The following CRELD2 variants were observed in gnomAD, a reference collection of about 807,000 sequenced individuals.
CRELD2 encodes the protein protein disulfide isomerase CRELD2.
Under a neutral mutation model 48.1 loss-of-function variants are expected in CRELD2, and 33 were observed. The observed-to-expected ratio is 0.69, with a 90% CI of 0.52 to 0.92. The LOEUF is 0.92. CRELD2 is among the 40% of genes least tolerant of loss of function. The probability of loss-of-function intolerance (pLI) is 0.00; values close to 1 mark genes in which losing one functional copy is unlikely to be tolerated. For missense variants in CRELD2, 477 were observed against 482.4 expected, an observed-to-expected ratio of 0.99 and a Z score of 0.10; for synonymous variants, 220 against 203.9, an observed-to-expected ratio of 1.08 and a Z score of -0.67.
Position 49,925,658 on chromosome 22 carries a change from C to T in CRELD2, c.1009+101C>T, listed in dbSNP as rs755614323. ...GTCTGAAATCCACACAGATGGTGGC[C>T]TTGAGATGGTGAGAGGGGGATTCCC... On this transcript the variant is annotated intron_variant, in intron 9 of 9. Coordinates refer to ENST00000328268, the MANE Select transcript of CRELD2 (RefSeq NM_024324.5). 49 of 1,569,036 alleles carry T rather than the reference C, an allele frequency of 3.1e-5. No individual in the cohort carries two copies. In the Admixed American group the frequency reaches 8.4e-4, roughly 27 times the overall value.
At chr22:49,920,959 C>G (rs766284888) in intron 4 of CRELD2, among the ~76,000 whole-genome samples, 1 of 152,250 alleles carries the variant, frequency 6.6e-6, no homozygotes, top group Non-Finnish European at 1.5e-5. Flanking sequence ...TCAGCTGAGG[C>G]TGCCCAAAGC....
intron 8 of CRELD2, 120 bp downstream of exon 8, chr22:49,924,575 C>T: frequency 1.5e-6 from 1 of 677,880 alleles, no homozygotes; most frequent in Non-Finnish European, 2.5e-6. Flanking sequence ...GCAGACGTGG[C>T]TCCCCCAGGG....
Position 49,923,276 on chromosome 22 carries a change from C to A in CRELD2, c.731C>A (p.Ala244Glu). 1.9e-6 allele frequency: 3 copies of A among 1,609,398 alleles called. No homozygotes were observed. The highest frequency in any genetic ancestry group is 2.5e-6 in the Non-Finnish European group (3 of 1,178,276). ...GCCGAGCCGCCTCCCTGCAGCGCTG[C>A]GCAGTTCTGTAAGAACGCCAACGGC... ...CAAEPPPCSA[A>E]QFCKNANGSY... The change falls in exon 7 of 10, where the codon GCG (alanine) becomes GAG (glutamate). Residue 244 changes from alanine (A) to glutamate (E), a missense_variant. Physicochemically the swap from Ala to Glu is moderately radical, Grantham distance 107. Coordinates refer to ENST00000328268, the MANE Select transcript of CRELD2 (RefSeq NM_024324.5).
Position 49,923,253 on chromosome 22 carries a change from C to T in CRELD2, c.708C>T (p.Ala236=), listed in dbSNP as rs111557567. Residue 236 remains alanine, a synonymous_variant, in exon 7 of 10, where the codon GCC becomes GCT. Transcript: ENST00000328268. The part of the protein sequence containing the change: ...GACVDVDECA[A]EPPPCSAAQF... ...TTCCAGATGTGGACGAGTGTGCGGC[C>T]GAGCCGCCTCCCTGCAGCGCTGCGC... 2,362 of 1,590,428 alleles carry T rather than the reference C, an allele frequency of 1.5e-3. 16 individuals carry two copies. In the African/African-American group the frequency reaches 0.019, roughly 13 times the overall value.
rs553875150 is a variant in CRELD2 at position 49,924,988 on chromosome 22, G to A, written c.869-429G>A. 966 of 161,498 alleles carry A rather than the reference G, an allele frequency of 6.0e-3. 11 individuals carry two copies. The highest frequency in any genetic ancestry group is 0.022 in the African/African-American group (925 of 41,612). 10.0% of individuals were successfully genotyped at this position (161,498 alleles called of 1,614,324 possible). A position where few individuals can be genotyped will look rare whatever the true frequency, so the allele number is the denominator to read the frequency against. ...CTACTAAAAATACAAAAAATTAGTC[G>A]GGCGTGGTGGCGGGCGCCTGTAGTC... On this transcript the variant is annotated intron_variant, in intron 8 of 9. Transcript: ENST00000328268.
chr22:49,924,730 G>A, intron 8 of CRELD2: 1 of 283,288 alleles, frequency 3.5e-6, no homozygotes. Context: ...CACCGCCTCT[G>A]CTCTCCCTCC....
chr22:49,922,550 C>G (rs1274419407), intron 5 of CRELD2, 62 bp from the exon 6 acceptor site: 8 of 1,483,782 alleles, frequency 5.4e-6, no homozygotes, highest in Non-Finnish European at 4.5e-6. Flanking sequence ...TTTAAACGAG[C>G]CTTGTCCCCA....
At chr22:49,920,518 C>T (rs1253478005) in intron 4 of CRELD2, among the ~76,000 whole-genome samples, 1 of 152,234 alleles carries the variant, frequency 6.6e-6, no homozygotes, top group East Asian at 1.9e-4. Flanking sequence ...TTCACAGACT[C>T]AGGTTGTTCA....
At chr22:49,922,869 T>TGAGG (rs2060712270) in intron 6 of CRELD2, among the ~76,000 whole-genome samples, 162 bp downstream of exon 6, 1 of 26,504 alleles carries the variant, frequency 3.8e-5, no homozygotes, top group South Asian at 1.9e-3. Flanking sequence ...GCTTGGGGTG[T>TGAGG]GGGGGGCGTG....
chr22:49,918,999 G>A, intron 1 of CRELD2, 101 bp downstream of exon 1: 1 of 1,067,206 alleles, frequency 9.4e-7, no homozygotes, highest in South Asian at 1.7e-5. Flanking sequence ...CCCTCACCCT[G>A]GATCCGGGGT....
At chr22:49,921,948 C>T (rs1049243468) in intron 5 of CRELD2, 187 bp downstream of exon 5, 23 of 644,112 alleles carry the variant, frequency 3.6e-5, no homozygotes, top group Non-Finnish European at 5.5e-5. Flanking sequence ...TCGGGCACTT[C>T]CTGTCCCGTA....
At chr22:49,924,190 G>T in intron 7 of CRELD2, 170 bp from the exon 8 acceptor site, 1 of 551,458 alleles carries the variant, frequency 1.8e-6, no homozygotes, top group Non-Finnish European at 3.3e-6. Flanking sequence ...ACAGCAGGAC[G>T]CGAGTCTGTG....
chr22:49,921,986 A>G (rs1215634042), intron 5 of CRELD2: 1 of 605,242 alleles, frequency 1.7e-6, no homozygotes, highest in Non-Finnish European at 2.9e-6. Flanking sequence ...GAAGCTACTC[A>G]CCTTTCTCTC....
intron 8 of CRELD2, 169 bp from the exon 9 acceptor site, chr22:49,925,246 CGT>C (rs2060748152): frequency 1.9e-6 from 1 of 538,502 alleles, no homozygotes; most frequent in Admixed American, 3.6e-5. Flanking sequence ...AACTTGGAGA[CGT>C]GAAATTCTTC....
At chr22:49,922,771 G>T (rs1369253832) in intron 6 of CRELD2, 64 bp downstream of exon 6, 2 of 384,720 alleles carry the variant, frequency 5.2e-6, no homozygotes, top group East Asian at 7.2e-5. Flanking sequence ...TGAGATGGGG[G>T]CGTAAGGCGT....
rs775782693 is a variant in CRELD2 at position 49,918,724 on chromosome 22, G to C, written c.-46G>C. 5.3e-6 allele frequency: 4 copies of C among 756,586 alleles called. No homozygotes were observed. Among genetic ancestry groups the C allele is most frequent in the East Asian group, 3.5e-5 (1 of 28,218 alleles). 46.9% of individuals were successfully genotyped at this position (756,586 alleles called of 1,614,324 possible). A position where few individuals can be genotyped will look rare whatever the true frequency, so the allele number is the denominator to read the frequency against. ...GCCGGGAGGCCGGAGCAGCACGGCC[G>C]CAGGACCTGGAGCTCCGGCTGCGTC... On this transcript the variant is annotated 5_prime_UTR_variant, in exon 1 of 10. Transcript: ENST00000328268.
intron 7 of CRELD2, 75 bp downstream of exon 7, chr22:49,923,392 G>T: frequency 1.8e-6 from 2 of 1,118,894 alleles, no homozygotes; most frequent in Non-Finnish European, 2.7e-6. Context: ...TTCATTTATG[G>T]CTTCTTAGTG....
In CRELD2 at chr22:49,922,264, ACCGGC is replaced by A. The variant is rs1438754892; in HGVS notation, c.593-346_593-342del. The A allele has an allele frequency of 7.0e-6, 10 of 1,426,050 alleles. No homozygotes were observed. The East Asian group carries it at 1.3e-4, about 19-fold the overall frequency. 88.3% of individuals were successfully genotyped at this position (1,426,050 alleles called of 1,614,324 possible). On this transcript the variant is annotated intron_variant, in intron 5 of 9. Transcript: ENST00000328268. ...ACAGACCCGTGGATCGATAGTCAGG[ACCGGC>A]CTCTCCGATTCTTACGCCCCTCAGC...
intron 5 of CRELD2, chr22:49,922,353 C>G (rs751671705): frequency 6.2e-7 from 1 of 1,611,168 alleles, no homozygotes; most frequent in South Asian, 1.1e-5. Flanking sequence ...TGGATGTTGG[C>G]GTGGCGTGGG....
Sources: allele counts gnomAD v4.1 joint callset (sites outside exome capture counted in the v4.1 genomes callset), GRCh38; gene constraint gnomAD v4.1.1; transcripts MANE v1.5; gene names NCBI Gene and HGNC (gene_info 2026-07-23, HGNC 2026-07-21).